SHMT1: variants seen among roughly 807,000 people sequenced by gnomAD.
SHMT1 encodes serine hydroxymethyltransferase, cytosolic.
Under a neutral mutation model 49.0 loss-of-function variants are expected in SHMT1, and 45 were observed. The observed-to-expected ratio is 0.92, with a 90% confidence interval of 0.72 to 1.18. SHMT1 has a LOEUF of 1.18. SHMT1 is among the 50% of genes most tolerant of loss of function. The pLI, the probability that SHMT1 is intolerant of heterozygous loss-of-function variation, is 0.00. For missense variants in SHMT1, 541 were observed against 612.4 expected (o/e 0.88, Z 1.23); for synonymous variants, 232 against 246.6 (o/e 0.94, Z 0.55).
chr17:18,333,226 C>T lies in SHMT1; in HGVS notation c.994G>A (p.Val332Met), dbSNP rs137980761. The change falls in exon 9 of 12, where the codon GTG (valine) becomes ATG (methionine). Residue 332 changes from valine to methionine, a missense_variant. Coordinates refer to ENST00000316694, the MANE Select transcript of SHMT1 (RefSeq NM_004169.5). ...TCAGACAGAGCCCTGCAGTTGGCCA[C>T]CACCTGGTGTTGATAAACTTTAAAT... ...LEFKVYQHQVVANCRALSEAL... is the reference protein window; with the variant it reads ...LEFKVYQHQVMANCRALSEAL... 8.1e-6 allele frequency: 13 copies of T among 1,613,878 alleles called. No individual in the cohort carries two copies. The African/African-American group carries it at 1.6e-4, about 20-fold the overall frequency.
rs751007304 is a variant in SHMT1, at chr17:18,328,843, T to A, written c.1359A>T (p.Ala453=). ...ATLKEFKERL[A]GDKYQAAVQA... ...GCACGGCCGCCTGGTACTTATCCCC[T>A]GCCAGTCTCTCCTTGAACTCTTTCA... Residue 453 remains alanine (A), a synonymous_variant, in exon 12 of 12, where the codon GCA becomes GCT. Coordinates refer to ENST00000316694, the MANE Select transcript of SHMT1 (RefSeq NM_004169.5). The A allele has an allele frequency of 6.2e-7, 1 of 1,613,766 alleles. No homozygotes were observed.
chr17:18,329,065 G>A (rs1982881541), intron 11 of SHMT1, 146 bp from the exon 12 acceptor site: 1 of 1,081,520 alleles, frequency 9.2e-7, no homozygotes, highest in East Asian at 2.5e-5. Flanking sequence ...CAATTACTCT[G>A]AGATGCACCC....
intron 9 of SHMT1, chr17:18,331,508 C>T (rs1983206821): frequency 6.5e-6 from 1 of 152,852 alleles, no homozygotes; most frequent in South Asian, 2.1e-4. Context: ...TAGCACCAGG[C>T]ACCAAAGAGG....
chr17:18,351,368 G>A (rs896139598), intron 3 of SHMT1, among the ~76,000 whole-genome samples: 3 of 151,294 alleles, frequency 2.0e-5, no homozygotes, highest in South Asian at 2.1e-4. Flanking sequence ...GGATGGTCTC[G>A]ATCTCCTGAC....
intron 9 of SHMT1, chr17:18,330,973 G>A (rs1983147639): frequency 2.4e-6 from 1 of 420,472 alleles, no homozygotes; most frequent in African/African-American, 2.0e-5. Context: ...AAGTTGCTTG[G>A]GCAATTCCCT....
intron 10 of SHMT1, 51 bp from the exon 11 acceptor site, chr17:18,329,439 T>C (rs368373925): frequency 1.4e-6 from 2 of 1,388,300 alleles, no homozygotes; most frequent in Non-Finnish European, 2.0e-6. Flanking sequence ...ACCACTGTGA[T>C]GGTGGTGCAT....
chr17:18,352,987 A>C (rs1985876395), intron 3 of SHMT1, among the ~76,000 whole-genome samples: 1 of 152,186 alleles, frequency 6.6e-6, no homozygotes, highest in Non-Finnish European at 1.5e-5. Flanking sequence ...AATAGGAGAA[A>C]GACAATGCCT....
chr17:18,341,476 TA>T, intron 5 of SHMT1: 1 of 152,774 alleles, frequency 6.5e-6, no homozygotes, highest in Non-Finnish European at 1.5e-5. Context: ...CCGTCTCTAC[TA>T]AAAATGCAAA....
chr17:18,359,436 G>T (rs1986547826), intron 1 of SHMT1, among the ~76,000 whole-genome samples: 1 of 152,092 alleles, frequency 6.6e-6, no homozygotes, highest in South Asian at 2.1e-4. Context: ...CACTTTGGAA[G>T]GCTGAGGTGG....
chr17:18,350,980 G>A (rs578215494), intron 3 of SHMT1, among the ~76,000 whole-genome samples: 1 of 151,996 alleles, frequency 6.6e-6, no homozygotes, highest in African/African-American at 2.4e-5. Flanking sequence ...TGATCCACCT[G>A]CCTCAGCCTC....
chr17:18,340,297 C>A lies in SHMT1; in HGVS notation c.602-42G>T. ...GACACAGCTGCATCAGAGATGTCCA[C>A]CGGCCAGCTGAGTTGGCTTCACAGT... is the stretch of plus-strand genomic sequence containing the variant. On this transcript the variant is annotated intron_variant, in intron 6 of 11. Coordinates refer to ENST00000316694, the MANE Select transcript of SHMT1 (RefSeq NM_004169.5). The surrounding 1 kb of genome is among the most constrained non-coding windows in gnomAD (Gnocchi z 4.5). 6.2e-7 allele frequency: 1 copy of A among 1,603,910 alleles called. No homozygotes were observed. The highest frequency in any genetic ancestry group is 8.5e-7 in the Non-Finnish European group (1 of 1,171,924).
intron 10 of SHMT1, among the ~76,000 whole-genome samples, chr17:18,330,160 G>A (rs1983039860): frequency 6.8e-6 from 1 of 147,864 alleles, no homozygotes. Flanking sequence ...TTTTTAGACA[G>A]AGTCTCATTC....
Position 18,328,665 on chromosome 17 carries a change from G to T in SHMT1, c.*85C>A. On this transcript the variant is annotated 3_prime_UTR_variant, in exon 12 of 12. Transcript: ENST00000316694. ...CGAGTGTCAACAGTTCCCCTTTGGA[G>T]CAGCTCATCCATCTCTCAGGTGGGG... is the stretch of plus-strand genomic sequence containing the variant. The T allele has an allele frequency of 1.4e-6, 2 of 1,442,560 alleles. No individual in the cohort carries two copies. The highest frequency in any genetic ancestry group is 9.5e-7 in the Non-Finnish European group (1 of 1,056,974). 89.4% of individuals were successfully genotyped at this position (1,442,560 alleles called of 1,614,324 possible). A position where few individuals can be genotyped will look rare whatever the true frequency, so the allele number is the denominator to read the frequency against.
chr17:18,340,279 C>T lies in SHMT1; in HGVS notation c.602-24G>A, dbSNP rs776767497. On this transcript the variant is annotated intron_variant, in intron 6 of 11. Coordinates refer to ENST00000316694, the MANE Select transcript of SHMT1 (RefSeq NM_004169.5). The surrounding 1 kb of genome is among the most constrained non-coding windows in gnomAD (Gnocchi z 4.5). ...TCCTGAGACAGGAAAGGTGACACAG[C>T]TGCATCAGAGATGTCCACCGGCCAG... The T allele has an allele frequency of 6.2e-7, 1 of 1,612,650 alleles. No homozygotes were observed. The highest frequency in any genetic ancestry group is 8.5e-7 in the Non-Finnish European group (1 of 1,179,020).
Position 18,348,256 on chromosome 17 carries a change from T to G in SHMT1, c.358+69A>C, listed in dbSNP as rs748182608. On this transcript the variant is annotated intron_variant, in intron 4 of 11. Transcript: ENST00000316694. ...ATGGCAGTCCATCTTAGGACTCTTC[T>G]TGGTGCATGTCGGCCCTGGGGGATG... is the stretch of plus-strand genomic sequence containing the variant. 1.1e-5 allele frequency: 11 copies of G among 1,017,608 alleles called. No homozygotes were observed. The South Asian group carries it at 1.3e-4, about 12-fold the overall frequency. 63.0% of individuals were successfully genotyped at this position (1,017,608 alleles called of 1,614,324 possible). A position where few individuals can be genotyped will look rare whatever the true frequency, so the allele number is the denominator to read the frequency against.
intron 8 of SHMT1, among the ~76,000 whole-genome samples, chr17:18,333,731 A>G (rs192820908): frequency 6.1e-4 from 92 of 151,840 alleles, no homozygotes; most frequent in African/African-American, 2.1e-3. Context: ...TGGCCTCCCC[A>G]AGTGCTGGGA....
Position 18,347,948 on chromosome 17 carries a change from G to A in SHMT1, c.359-292C>T, listed in dbSNP as rs548470879. ...TTTTTTTTTTTTGAGATGGAGTTTCGCTCTTGTTGCCCAGGCTGGAATGCA... is the reference window on the plus strand; with the variant it reads ...TTTTTTTTTTTTGAGATGGAGTTTCACTCTTGTTGCCCAGGCTGGAATGCA... On this transcript the variant is annotated intron_variant, in intron 4 of 11. Transcript: ENST00000316694. Among the ~76,000 whole-genome samples the A allele has an allele frequency of 5.7e-5, 8 of 141,232 alleles. No homozygotes were observed. The East Asian group carries it at 1.6e-3, about 29-fold the overall frequency. 92.7% of individuals were successfully genotyped at this position (141,232 alleles called of 152,430 possible).
chr17:18,340,743 A>G lies in SHMT1; in HGVS notation c.590T>C (p.Leu197Pro), dbSNP rs73291881. ...EENARLFHPK[L>P]IIAGTSCYSR... ...GCCCCGCGCATCACCTGCGATGATCAGCTTCGGGTGGAAGAGGCGTGCGTT... is the reference window on the plus strand; with the variant it reads ...GCCCCGCGCATCACCTGCGATGATCGGCTTCGGGTGGAAGAGGCGTGCGTT... The change falls in exon 6 of 12, where the codon CTG (leucine) becomes CCG (proline). Residue 197 changes from leucine to proline, a missense_variant. Coordinates refer to ENST00000316694, the MANE Select transcript of SHMT1 (RefSeq NM_004169.5). This position sits in a 1 kb window ranked among gnomAD's most constrained non-coding sequence, Gnocchi z 4.5. 118 of 1,612,550 alleles carry G rather than the reference A, an allele frequency of 7.3e-5. No homozygotes were observed. The African/African-American group carries it at 1.5e-3, about 20-fold the overall frequency.
At position 18,328,871 on chromosome 17, in the gene SHMT1, G is replaced by A; in HGVS notation, c.1331C>T (p.Thr444Ile). The A allele has an allele frequency of 6.2e-7, 1 of 1,613,974 alleles. No individual in the cohort carries two copies. The highest frequency in any genetic ancestry group is 8.5e-7 in the Non-Finnish European group (1 of 1,180,036). Residue 444 changes from threonine to isoleucine, a missense_variant, in exon 12 of 12, where the codon ACC (threonine) becomes ATC (isoleucine). By Grantham distance (89) the Thr-to-Ile change is moderately conservative (BLOSUM62 -1). Coordinates refer to ENST00000316694, the MANE Select transcript of SHMT1 (RefSeq NM_004169.5). ...CAGTCTCTCCTTGAACTCTTTCAGG[G>A]TGGCTCTGACACCAGTGTCGCTCTG... is the stretch of plus-strand genomic sequence containing the variant. ...QIQSDTGVRA[T>I]LKEFKERLAG...
Sources: allele counts gnomAD v4.1 joint callset (sites outside exome capture counted in the v4.1 genomes callset), GRCh38; gene constraint gnomAD v4.1.1; non-coding constraint Gnocchi (gnomAD v3.1); transcripts MANE v1.5; gene names NCBI Gene and HGNC (gene_info 2026-07-23, HGNC 2026-07-21).